UGT2A2: variants seen among roughly 807,000 people sequenced by gnomAD.
The protein encoded by UGT2A2 is UDP glucuronosyltransferase family 2 member A2, also known as UDP-glucuronosyltransferase 2A2.
UGT2A2 carries 60 observed loss-of-function variants against 50.7 expected under a neutral mutation model. The ratio of observed to expected loss-of-function variants is 1.18; its 90% CI spans 0.96 to 1.47. The LOEUF is 1.47. Ranked by LOEUF, UGT2A2 falls within the 40% of genes most tolerant of loss-of-function variation. UGT2A2 has a pLI of 0.00. For synonymous variants in UGT2A2, 242 were observed against 214.6 expected (o/e 1.13, Z -1.11); for missense variants, 762 against 634.0 (o/e 1.20, Z -2.17).
intron 1 of UGT2A2, among the ~76,000 whole-genome samples, chr4:69,629,800 T>G (rs995519171): frequency 1.3e-5 from 2 of 152,150 alleles, no homozygotes; most frequent in South Asian, 4.1e-4. Context: ...TTTGTTATAA[T>G]GAACCATAAC....
chr4:69,591,941 ATTTCT>A (rs1718616935), intron 5 of UGT2A2, among the ~76,000 whole-genome samples: 6 of 152,204 alleles, frequency 3.9e-5, no homozygotes, highest in African/African-American at 1.4e-4. Context: ...ATGAATTATG[ATTTCT>A]AAAATTATGA....
In UGT2A2 at chr4:69,588,576, A is replaced by C. The variant is rs917365889; in HGVS notation, c.*796T>G. 2.6e-5 allele frequency: 4 copies of C among 152,100 alleles called. No homozygotes were observed. The highest frequency in any genetic ancestry group is 4.4e-5 in the Non-Finnish European group (3 of 67,986). The allele number at this position is 152,100 out of a possible 1,614,324, so 9.4% of individuals were successfully genotyped here. On this transcript the variant is annotated 3_prime_UTR_variant, in exon 6 of 6. Coordinates refer to ENST00000604629, the MANE Select transcript of UGT2A2 (RefSeq NM_001105677.2). Reference sequence around the variant, plus strand: ...TGACTAAAAATTTTATAAAAATGATAATTATTTTCTAGATTTCTAATTGTT... The same window carrying C: ...TGACTAAAAATTTTATAAAAATGATCATTATTTTCTAGATTTCTAATTGTT...
intron 1 of UGT2A2, among the ~76,000 whole-genome samples, chr4:69,633,052 G>A (rs1721474358): frequency 6.6e-6 from 1 of 152,014 alleles, no homozygotes; most frequent in East Asian, 1.9e-4. Flanking sequence ...GTCCACCAAA[G>A]AAAACTAAAA....
chr4:69,629,687 A>G (rs1356437485), intron 1 of UGT2A2, among the ~76,000 whole-genome samples: 3 of 151,746 alleles, frequency 2.0e-5, no homozygotes, highest in African/African-American at 7.3e-5. Context: ...ATCCTGTACA[A>G]CTCTACTGGA....
chr4:69,635,859 G>C (rs1256178032), intron 1 of UGT2A2: 1 of 91,624 alleles, frequency 1.1e-5, no homozygotes, highest in African/African-American at 3.8e-5. Context: ...AAGAGAGAGA[G>C]AGAGAGAAAT....
In UGT2A2 at chr4:69,588,572, TG is replaced by T. The variant is rs1718386071; in HGVS notation, c.*799del. 1 of 152,100 alleles carries T rather than the reference TG, an allele frequency of 6.6e-6. No homozygotes were observed. The highest frequency in any genetic ancestry group is 1.5e-5 in the Non-Finnish European group (1 of 67,990). 9.4% of individuals were successfully genotyped at this position (152,100 alleles called of 1,614,324 possible). A position where few individuals can be genotyped will look rare whatever the true frequency, so the allele number is the denominator to read the frequency against. On this transcript the variant is annotated 3_prime_UTR_variant, in exon 6 of 6. Transcript: ENST00000604629. ...CAGTTGACTAAAAATTTTATAAAAATGATAATTATTTTCTAGATTTCTAATT... is the reference window on the plus strand; with the variant it reads ...CAGTTGACTAAAAATTTTATAAAAATATAATTATTTTCTAGATTTCTAATT...
chr4:69,620,004 T>C (rs1350542426), intron 1 of UGT2A2, among the ~76,000 whole-genome samples: 1 of 151,980 alleles, frequency 6.6e-6, no homozygotes, highest in Non-Finnish European at 1.5e-5. Flanking sequence ...AAGAGACATA[T>C]ATGACAAACC....
At position 69,595,169 on chromosome 4, in the gene UGT2A2, A is replaced by G. The variant is rs747479294; in HGVS notation, c.1104T>C (p.Asp368=). 51 of 1,613,718 alleles carry G rather than the reference A, an allele frequency of 3.2e-5. No individual in the cohort carries two copies. The highest frequency in any genetic ancestry group is 6.7e-5 in the African/African-American group (5 of 74,924). The change falls in exon 4 of 6, where the codon GAT becomes GAC. Residue 368 remains aspartate, a synonymous_variant. Coordinates refer to ENST00000604629, the MANE Select transcript of UGT2A2 (RefSeq NM_001105677.2). ...TQLFDWIPQN[D]LLGHPKTKAF... ...CTTTCCCCACAGTCTTACCAAGAAGATCATTCTGGGGTATCCAATCAAAGA... is the reference window on the plus strand; with the variant it reads ...CTTTCCCCACAGTCTTACCAAGAAGGTCATTCTGGGGTATCCAATCAAAGA...
chr4:69,591,318 T>C (rs1383261271), intron 5 of UGT2A2, among the ~76,000 whole-genome samples: 2 of 152,084 alleles, frequency 1.3e-5, no homozygotes, highest in East Asian at 3.8e-4. Flanking sequence ...AAGAAATACA[T>C]TGGTTTGGTT....
chr4:69,627,794 T>C (rs977607268), intron 1 of UGT2A2, among the ~76,000 whole-genome samples: 2 of 151,824 alleles, frequency 1.3e-5, no homozygotes, highest in Admixed American at 1.3e-4. Flanking sequence ...TAATATCACA[T>C]TGAAATTAAC....
In UGT2A2 at chr4:69,589,102, G is replaced by A. The variant is rs1718427901; in HGVS notation, c.*270C>T. On this transcript the variant is annotated 3_prime_UTR_variant, in exon 6 of 6. Transcript: ENST00000604629. ...AATAGAACATATTTAAAATTAGGTA[G>A]TATCCTTGTGTCAGAAAAGTGACAG... 7.0e-6 allele frequency: 2 copies of A among 287,734 alleles called. No individual in the cohort carries two copies. Among genetic ancestry groups the A allele is most frequent in the South Asian group, 7.4e-5 (1 of 13,460 alleles). 17.8% of individuals were successfully genotyped at this position (287,734 alleles called of 1,614,324 possible). A position where few individuals can be genotyped will look rare whatever the true frequency, so the allele number is the denominator to read the frequency against.
At chr4:69,612,288 G>A (rs1720110350) in intron 1 of UGT2A2, among the ~76,000 whole-genome samples, 2 of 152,064 alleles carry the variant, frequency 1.3e-5, no homozygotes, top group Admixed American at 1.3e-4. Context: ...GATAGCTCAT[G>A]AGTTGGAAAA....
At chr4:69,620,384 C>T (rs1298727484) in intron 1 of UGT2A2, among the ~76,000 whole-genome samples, 1 of 131,666 alleles carries the variant, frequency 7.6e-6, no homozygotes, top group Non-Finnish European at 1.7e-5. Context: ...TTCACAATTG[C>T]TAAAAAAGAA....
rs1321915390 is a variant in UGT2A2 at position 69,606,373 on chromosome 4, C to T, written c.743-6979G>A. Among the ~76,000 whole-genome samples the T allele has an allele frequency of 1.7e-4, 23 of 136,386 alleles. 5 individuals are homozygous for T. The highest frequency in any genetic ancestry group is 1.1e-4 in the Non-Finnish European group (7 of 64,234). 89.5% of individuals were successfully genotyped at this position (136,386 alleles called of 152,430 possible). ...AAAAGGCCTTGAAAAAATTCAACAA[C>T]GCTTCATGCTAAAAACTCTCAATAA... On this transcript the variant is annotated intron_variant, in intron 1 of 5. Transcript: ENST00000604629.
intron 5 of UGT2A2, among the ~76,000 whole-genome samples, chr4:69,592,360 G>T (rs1442439070): frequency 6.6e-6 from 1 of 152,026 alleles, no homozygotes; most frequent in African/African-American, 2.4e-5. Flanking sequence ...AAAAATAACA[G>T]CCTGATAACC....
At chr4:69,632,944 C>T (rs1034585476) in intron 1 of UGT2A2, among the ~76,000 whole-genome samples, 10 of 150,666 alleles carry the variant, frequency 6.6e-5, no homozygotes, top group African/African-American at 2.2e-4. Flanking sequence ...TCAAGGAATA[C>T]GTTATGCACT....
rs755399490 is a variant in UGT2A2, at chr4:69,639,204, G to C, written c.437C>G (p.Ala146Gly). ...ATCAAAACCACCTTTCTGAAGTCTT[G>C]CCATCAACTTTGGGTTCTTTAGTAC... ...DGVLKNPKLMARLQKGGFDVL... is the reference protein window; with the variant it reads ...DGVLKNPKLMGRLQKGGFDVL... The change falls in exon 1 of 6, where the codon GCA (alanine) becomes GGA (glycine). Residue 146 changes from alanine to glycine, a missense_variant. Coordinates refer to ENST00000604629, the MANE Select transcript of UGT2A2 (RefSeq NM_001105677.2). The C allele has an allele frequency of 1.2e-6, 2 of 1,613,540 alleles. No individual in the cohort carries two copies.
chr4:69,639,223 T>G lies in UGT2A2; in HGVS notation c.418A>C (p.Lys140Gln). ...AGTCTTGCCATCAACTTTGGGTTCTTTAGTACACCATCACAGAGTTGTATG... is the reference window on the plus strand; with the variant it reads ...AGTCTTGCCATCAACTTTGGGTTCTGTAGTACACCATCACAGAGTTGTATG... Reference protein sequence around the residue: ...INIQLCDGVLKNPKLMARLQK... With the variant: ...INIQLCDGVLQNPKLMARLQK... Residue 140 changes from lysine to glutamine, a missense_variant, in exon 1 of 6, where the codon AAG becomes CAG. By Grantham distance (53) the Lys-to-Gln change is moderately conservative. Coordinates refer to ENST00000604629, the MANE Select transcript of UGT2A2 (RefSeq NM_001105677.2). The G allele has an allele frequency of 6.2e-7, 1 of 1,613,690 alleles. No individual in the cohort carries two copies. The highest frequency in any genetic ancestry group is 8.5e-7 in the Non-Finnish European group (1 of 1,179,744).
In UGT2A2 at chr4:69,589,273, C is replaced by A; in HGVS notation, c.*99G>T. ...GAAAATTTGGAAACAGGATGGGAGA[C>A]GTGTTTTTGTTAAACTCCTTTTGTC... On this transcript the variant is annotated 3_prime_UTR_variant, in exon 6 of 6. Coordinates refer to ENST00000604629, the MANE Select transcript of UGT2A2 (RefSeq NM_001105677.2). 1 of 1,371,572 alleles carries A rather than the reference C, an allele frequency of 7.3e-7. No homozygotes were observed. Among genetic ancestry groups the A allele is most frequent in the Non-Finnish European group, 9.6e-7 (1 of 1,042,458 alleles). The allele number at this position is 1,371,572 out of a possible 1,614,324, so 85.0% of individuals were successfully genotyped here. A position where few individuals can be genotyped will look rare whatever the true frequency, so the allele number is the denominator to read the frequency against.
Sources: allele counts gnomAD v4.1 joint callset (sites outside exome capture counted in the v4.1 genomes callset), GRCh38; gene constraint gnomAD v4.1.1; transcripts MANE v1.5; gene names NCBI Gene and HGNC (gene_info 2026-07-23, HGNC 2026-07-21).